Variants in ZBTB20 observed in about 807,000 individuals in gnomAD.
The protein encoded by ZBTB20 is zinc finger and BTB domain containing 20.
Under a neutral mutation model 56.9 loss-of-function variants are expected in ZBTB20, and 9 were observed. That is an observed-to-expected ratio of 0.16 (90% CI 0.10 to 0.28). The LOEUF (loss-of-function observed/expected upper bound fraction) is 0.28, where lower values mean the gene tolerates loss of function less well. ZBTB20 is among the 10% of genes least tolerant of loss of function. The pLI, the probability that ZBTB20 is intolerant of heterozygous loss-of-function variation, is 1.00. For synonymous variants in ZBTB20, 417 were observed against 420.7 expected (o/e 0.99, Z 0.11); for missense variants, 655 against 1,003.0 (o/e 0.65, Z 4.69).
chr3:115,120,057 T>G (rs1447813719), intron 1 of ZBTB20, among the ~76,000 whole-genome samples: 1 of 152,018 alleles, frequency 6.6e-6, no homozygotes. Context: ...GGACAGATAA[T>G]TTTTAAGGCA....
At chr3:114,713,107 C>T (rs1351715426) in intron 5 of ZBTB20, among the ~76,000 whole-genome samples, 1 of 151,994 alleles carries the variant, frequency 6.6e-6, no homozygotes, top group East Asian at 1.9e-4. Context: ...AAGTGCAAAT[C>T]CCTTGTTTCA....
intron 3 of ZBTB20, among the ~76,000 whole-genome samples, chr3:114,964,320 C>A (rs1188695140): frequency 6.6e-6 from 1 of 152,134 alleles, no homozygotes; most frequent in East Asian, 1.9e-4. Flanking sequence ...GAACCTGAGG[C>A]ATGAGAAATG....
chr3:114,995,697 C>T (rs1265482032), intron 2 of ZBTB20, among the ~76,000 whole-genome samples: 1 of 151,792 alleles, frequency 6.6e-6, no homozygotes. Context: ...TATGATAGAA[C>T]ATAACATGTA....
intron 7 of ZBTB20, among the ~76,000 whole-genome samples, chr3:114,420,095 A>G (rs779679535): frequency 5.9e-5 from 9 of 152,180 alleles, no homozygotes; most frequent in Non-Finnish European, 1.0e-4. Context: ...ACAAAGCAAC[A>G]TGAAAACTCT....
intron 7 of ZBTB20, among the ~76,000 whole-genome samples, chr3:114,406,567 TC>T (rs1362318472): frequency 3.9e-5 from 6 of 152,100 alleles, no homozygotes; most frequent in African/African-American, 1.4e-4. Context: ...TGCGCCTTAC[TC>T]GAGATGACAA....
chr3:115,113,985 T>C (rs1215813380), intron 1 of ZBTB20, among the ~76,000 whole-genome samples: 1 of 152,170 alleles, frequency 6.6e-6, no homozygotes, highest in African/African-American at 2.4e-5. Context: ...TACTCCAATA[T>C]ATGCATAATT....
intron 4 of ZBTB20, among the ~76,000 whole-genome samples, chr3:114,889,168 GA>G (rs1320086812): frequency 3.3e-5 from 5 of 151,654 alleles, no homozygotes; most frequent in African/African-American, 1.2e-4. Flanking sequence ...CTTTCGTTTA[GA>G]AAAATAGAAA....
intron 2 of ZBTB20, among the ~76,000 whole-genome samples, chr3:115,060,018 C>T (rs563305197): frequency 6.6e-6 from 1 of 152,258 alleles, no homozygotes; most frequent in South Asian, 2.1e-4. Flanking sequence ...ACCCAAACCA[C>T]TGATATATAA....
At chr3:115,062,148 G>A (rs1019233385) in intron 2 of ZBTB20, among the ~76,000 whole-genome samples, 2 of 152,222 alleles carry the variant, frequency 1.3e-5, no homozygotes, top group South Asian at 2.1e-4. Flanking sequence ...CAGCCCCTTT[G>A]CCCTTCACTG....
chr3:115,084,737 A>G (rs1405435067), intron 1 of ZBTB20, among the ~76,000 whole-genome samples: 1 of 151,998 alleles, frequency 6.6e-6, no homozygotes, highest in Non-Finnish European at 1.5e-5. Context: ...AAAGCGTCCC[A>G]AGAATCCACT....
chr3:114,760,190 G>T (rs2068333656), intron 5 of ZBTB20, among the ~76,000 whole-genome samples: 1 of 151,994 alleles, frequency 6.6e-6, no homozygotes, highest in African/African-American at 2.4e-5. Context: ...CTGTGTTTGA[G>T]ACTGCAAATT....
chr3:114,998,991 G>A (rs2079135671), intron 2 of ZBTB20, among the ~76,000 whole-genome samples: 1 of 145,952 alleles, frequency 6.9e-6, no homozygotes, highest in Non-Finnish European at 1.5e-5. Flanking sequence ...TGAGGATAGT[G>A]GAGGGAAAAG....
intron 8 of ZBTB20, among the ~76,000 whole-genome samples, chr3:114,383,226 C>T (rs112776059): frequency 0.026 from 3,885 of 152,212 alleles, 169 homozygotes; most frequent in African/African-American, 0.087. Flanking sequence ...AGGGTCAAAA[C>T]AGTAATGACA....
intron 2 of ZBTB20, among the ~76,000 whole-genome samples, chr3:115,002,944 C>G (rs181891968): frequency 1.3e-5 from 2 of 151,702 alleles, no homozygotes; most frequent in African/African-American, 4.8e-5. Flanking sequence ...GAACAAATTT[C>G]TACATCCATA....
chr3:114,758,566 T>C (rs1463228107), intron 5 of ZBTB20, among the ~76,000 whole-genome samples: 1 of 152,130 alleles, frequency 6.6e-6, no homozygotes, highest in African/African-American at 2.4e-5. Flanking sequence ...ATGTTGAAAA[T>C]AACTAAAGAT....
chr3:114,693,582 T>C lies in ZBTB20; in HGVS notation c.-342-7A>G, dbSNP rs1394741240. On this transcript the variant is annotated splice_polypyrimidine_tract_variant and splice_region_variant and intron_variant, in intron 5 of 11. Coordinates refer to ENST00000675478, the MANE Select transcript of ZBTB20 (RefSeq NM_001348800.3). ...TTAGTAATGATGAAACATTCTGAAA[T>C]AAAAAGAGTACAGGTAAGTGCTAGG... is the stretch of plus-strand genomic sequence containing the variant. 6.6e-6 allele frequency: 1 copy of C among 152,068 alleles called. No homozygotes were observed. Among genetic ancestry groups the C allele is most frequent in the Non-Finnish European group, 1.5e-5 (1 of 67,976 alleles). 9.4% of individuals were successfully genotyped at this position (152,068 alleles called of 1,614,324 possible). A position where few individuals can be genotyped will look rare whatever the true frequency, so the allele number is the denominator to read the frequency against.
chr3:114,741,593 A>T (rs1042288972), intron 5 of ZBTB20, among the ~76,000 whole-genome samples: 2 of 152,106 alleles, frequency 1.3e-5, no homozygotes, highest in African/African-American at 4.8e-5. Flanking sequence ...CATACAGAAG[A>T]GGCCGGTGCG....
chr3:114,623,358 T>C (rs1202804785), intron 6 of ZBTB20, among the ~76,000 whole-genome samples: 1 of 152,162 alleles, frequency 6.6e-6, no homozygotes, highest in Non-Finnish European at 1.5e-5. Flanking sequence ...TCAATCAGTG[T>C]CCCTTAAATT....
chr3:114,714,175 T>C (rs1450994366), intron 5 of ZBTB20, among the ~76,000 whole-genome samples: 3 of 152,236 alleles, frequency 2.0e-5, no homozygotes, highest in Non-Finnish European at 4.4e-5. Flanking sequence ...GACAAGTGAT[T>C]AATCAAAATC....
Sources: allele counts gnomAD v4.1 joint callset (sites outside exome capture counted in the v4.1 genomes callset), GRCh38; gene constraint gnomAD v4.1.1; transcripts MANE v1.5; gene names NCBI Gene and HGNC (gene_info 2026-07-23, HGNC 2026-07-21).